GAS7: variants seen among roughly 807,000 people sequenced by gnomAD.
The protein encoded by GAS7 is growth arrest-specific protein 7.
A neutral mutation model predicts 71.1 loss-of-function variants in GAS7; 28 were observed. That is an observed-to-expected ratio of 0.39 (90% CI 0.29 to 0.54). GAS7 has a LOEUF of 0.54. Among genes scored for constraint, GAS7 ranks in the 20% least tolerant of loss-of-function variants. The pLI, the probability that GAS7 is intolerant of heterozygous loss-of-function variation, is 0.62. For synonymous variants in GAS7, 258 were observed against 245.8 expected (o/e 1.05, Z -0.46); for missense variants, 436 against 627.8 (o/e 0.69, Z 3.27).
chr17:10,029,862 C>T (rs1231683825), intron 1 of GAS7, among the ~76,000 whole-genome samples: 2 of 150,976 alleles, frequency 1.3e-5, no homozygotes, highest in African/African-American at 2.4e-5. Context: ...AAAAAAAAAA[C>T]AATAATAATA....
chr17:9,994,372 C>T (rs1379800044), intron 2 of GAS7, among the ~76,000 whole-genome samples: 17 of 143,938 alleles, frequency 1.2e-4, no homozygotes, highest in East Asian at 3.9e-4. Context: ...TCAGAAATAA[C>T]GCCGCATATC....
intron 1 of GAS7, among the ~76,000 whole-genome samples, chr17:10,095,406 C>T (rs2073630371): frequency 1.3e-5 from 2 of 152,186 alleles, no homozygotes; most frequent in Admixed American, 6.5e-5. Context: ...AACTCCTGGG[C>T]TCAAGTGATC....
At chr17:10,189,748 G>T (rs1449039072) in intron 1 of GAS7, among the ~76,000 whole-genome samples, 1 of 152,102 alleles carries the variant, frequency 6.6e-6, no homozygotes, top group African/African-American at 2.4e-5. Context: ...AGACCAGCCT[G>T]GCCAACATGG....
rs1341477724 is a variant in GAS7 at position 9,916,538 on chromosome 17, T to C, written c.*690A>G. The C allele has an allele frequency of 4.2e-6, 1 of 239,002 alleles. No individual in the cohort carries two copies. Among genetic ancestry groups the C allele is most frequent in the African/African-American group, 2.2e-5 (1 of 45,700 alleles). The allele number at this position is 239,002 out of a possible 1,614,324, so 14.8% of individuals were successfully genotyped here. A position where few individuals can be genotyped will look rare whatever the true frequency, so the allele number is the denominator to read the frequency against. On this transcript the variant is annotated 3_prime_UTR_variant, in exon 14 of 14. Transcript: ENST00000432992. ...CAGAGGAGACTTTACAGATGGCGCC[T>C]GATCTCATGGGACACGATTCAGCGC... is the stretch of plus-strand genomic sequence containing the variant.
Position 9,919,615 on chromosome 17 carries a change from T to C in GAS7, c.1218+11A>G. The C allele has an allele frequency of 6.2e-7, 1 of 1,601,858 alleles. No individual in the cohort carries two copies. Among genetic ancestry groups the C allele is most frequent in the Non-Finnish European group, 8.6e-7 (1 of 1,168,782 alleles). On this transcript the variant is annotated intron_variant, in intron 12 of 13. Transcript: ENST00000432992. This position sits in a 1 kb window ranked among gnomAD's most constrained non-coding sequence, Gnocchi z 5.0. ...CTGTACTGCCATGTCCACACATCCC[T>C]GCCCGCTTACCAATGTGGTGGTCAC...
intron 1 of GAS7, among the ~76,000 whole-genome samples, chr17:10,123,208 G>A (rs567468081): frequency 6.6e-6 from 1 of 152,308 alleles, no homozygotes; most frequent in South Asian, 2.1e-4. Flanking sequence ...ACTCTGGAAA[G>A]CATTGTTTGT....
rs541439124 is a variant in GAS7 at position 10,020,729 on chromosome 17, C to T, written c.184-832G>A. On this transcript the variant is annotated intron_variant, in intron 1 of 13. Transcript: ENST00000432992. ...GAGTTCGCGACCAGCCTGGGCAACA[C>T]GGTGAAACCCCACCTCTACTAAAAA... Among the ~76,000 whole-genome samples the T allele has an allele frequency of 2.7e-4, 41 of 152,020 alleles. No homozygotes were observed. In the South Asian group the frequency reaches 4.3e-3, roughly 16 times the overall value.
intron 1 of GAS7, among the ~76,000 whole-genome samples, chr17:10,031,629 T>C (rs565822519): frequency 6.6e-6 from 1 of 152,312 alleles, no homozygotes; most frequent in East Asian, 1.9e-4. Flanking sequence ...CCTCTGACTC[T>C]GGAGAATGAG....
intron 1 of GAS7, among the ~76,000 whole-genome samples, chr17:10,133,543 A>G (rs1315606010): frequency 1.3e-5 from 2 of 152,332 alleles, no homozygotes; most frequent in African/African-American, 2.4e-5. Flanking sequence ...ATTACTCCAC[A>G]TACTTATTTG....
At chr17:10,104,346 G>A (rs1306059048) in intron 1 of GAS7, among the ~76,000 whole-genome samples, 1 of 152,106 alleles carries the variant, frequency 6.6e-6, no homozygotes, top group African/African-American at 2.4e-5. Flanking sequence ...TTCTCAAGTA[G>A]TCACCTTTTT....
chr17:10,133,151 T>G, intron 1 of GAS7, among the ~76,000 whole-genome samples: 1 of 144,928 alleles, frequency 6.9e-6, no homozygotes, highest in South Asian at 2.2e-4. Context: ...TGAGATGGAG[T>G]CTCGCTCTGT....
intron 2 of GAS7, 126 bp from the exon 3 acceptor site, chr17:9,982,010 A>C: frequency 1.6e-6 from 1 of 639,216 alleles, no homozygotes; most frequent in Non-Finnish European, 2.8e-6. Flanking sequence ...CTCCTCCCCA[A>C]CCCTGGCCAG....
Position 9,959,023 on chromosome 17 carries a change from G to A in GAS7, c.525+179C>T. 7.1e-7 allele frequency: 1 copy of A among 1,398,614 alleles called. No homozygotes were observed. The highest frequency in any genetic ancestry group is 9.4e-7 in the Non-Finnish European group (1 of 1,067,050). The allele number at this position is 1,398,614 out of a possible 1,614,324, so 86.6% of individuals were successfully genotyped here. A position where few individuals can be genotyped will look rare whatever the true frequency, so the allele number is the denominator to read the frequency against. On this transcript the variant is annotated intron_variant, in intron 5 of 13. Coordinates refer to ENST00000432992, the MANE Select transcript of GAS7 (RefSeq NM_201433.2). This position sits in a 1 kb window ranked among gnomAD's most constrained non-coding sequence, Gnocchi z 5.0. ...GAAGTGAAATGTGAAATTGACAGGAGAAGGGGAGGTGGGAGGGGCATGTGG... is the reference window on the plus strand; with the variant it reads ...GAAGTGAAATGTGAAATTGACAGGAAAAGGGGAGGTGGGAGGGGCATGTGG...
At chr17:10,177,636 A>G (rs1416227138) in intron 1 of GAS7, among the ~76,000 whole-genome samples, 1 of 152,086 alleles carries the variant, frequency 6.6e-6, no homozygotes, top group Non-Finnish European at 1.5e-5. Context: ...TTCTCCCCAG[A>G]CCACAAGCCA....
intron 1 of GAS7, among the ~76,000 whole-genome samples, chr17:10,024,472 G>A (rs1438965244): frequency 6.6e-6 from 1 of 152,186 alleles, no homozygotes; most frequent in Non-Finnish European, 1.5e-5. Flanking sequence ...ACAGGCCCGG[G>A]GGCTGGGGAC....
chr17:9,966,280 G>C (rs995240442), intron 4 of GAS7, among the ~76,000 whole-genome samples: 2 of 150,086 alleles, frequency 1.3e-5, no homozygotes, highest in Non-Finnish European at 2.9e-5. Flanking sequence ...TTACAGGCTT[G>C]AGCCACCACG....
At chr17:10,120,043 G>A (rs1054916612) in intron 1 of GAS7, among the ~76,000 whole-genome samples, 2 of 152,242 alleles carry the variant, frequency 1.3e-5, no homozygotes, top group Non-Finnish European at 2.9e-5. Context: ...CTAGTGAGCA[G>A]AGCACCAAGG....
chr17:10,030,694 C>T (rs989524970), intron 1 of GAS7, among the ~76,000 whole-genome samples: 1 of 152,206 alleles, frequency 6.6e-6, no homozygotes, highest in African/African-American at 2.4e-5. Context: ...TCAAATGAGG[C>T]TTTAGTAGAT....
intron 2 of GAS7, among the ~76,000 whole-genome samples, chr17:10,016,563 G>A (rs1029214886): frequency 7.0e-6 from 1 of 142,074 alleles, no homozygotes; most frequent in Non-Finnish European, 1.5e-5. Flanking sequence ...CCAGAAGTTC[G>A]GGATCAGCCT....
Sources: gnomAD v4.1 joint callset for allele counts (sites outside exome capture counted in the v4.1 genomes callset) on GRCh38, gnomAD v4.1.1 for gene constraint, Gnocchi (gnomAD v3.1) non-coding constraint, MANE v1.5 for transcripts, NCBI Gene and HGNC (gene_info 2026-07-23, HGNC 2026-07-21) for gene names.